Variants in CNTRL observed in about 807,000 individuals in gnomAD.
CNTRL encodes the protein 110 kDa centrosomal protein.
Under a neutral mutation model 303.7 loss-of-function variants are expected in CNTRL, and 233 were observed. The ratio of observed to expected loss-of-function variants is 0.77; its 90% confidence interval spans 0.69 to 0.86. The LOEUF is 0.86. Among genes scored for constraint, CNTRL ranks in the 40% least tolerant of loss-of-function variants. The pLI is 0.00. For missense variants in CNTRL, 2,524 were observed against 2,650.6 expected (o/e 0.95, Z 1.05); for synonymous variants, 900 against 922.2 (o/e 0.98, Z 0.44).
At chr9:121,135,332 T>C (rs2051125358) in intron 14 of CNTRL, among the ~76,000 whole-genome samples, 1 of 152,222 alleles carries the variant, frequency 6.6e-6, no homozygotes, top group Non-Finnish European at 1.5e-5. Context: ...GACTATCCTT[T>C]TTCTAGCTAC....
intron 14 of CNTRL, among the ~76,000 whole-genome samples, chr9:121,132,412 C>T (rs950979060): frequency 6.6e-6 from 1 of 152,166 alleles, no homozygotes; most frequent in Non-Finnish European, 1.5e-5. Flanking sequence ...CTTTCTTCCA[C>T]TTGATCAAAT....
intron 10 of CNTRL, among the ~76,000 whole-genome samples, chr9:121,114,151 C>G (rs1048501188): frequency 6.6e-6 from 1 of 152,252 alleles, no homozygotes; most frequent in Non-Finnish European, 1.5e-5. Flanking sequence ...AGGCTAGCCT[C>G]TGACTTTTCC....
At chr9:121,171,679 C>G (rs1358380071) in intron 40 of CNTRL, 131 bp downstream of exon 40, 1 of 945,620 alleles carries the variant, frequency 1.1e-6, no homozygotes, top group Non-Finnish European at 1.4e-6. Flanking sequence ...TTCTTTAAGT[C>G]AAATCTGGTT....
chr9:121,168,386 A>G (rs1294955088), intron 38 of CNTRL, 65 bp downstream of exon 38: 6 of 1,432,804 alleles, frequency 4.2e-6, no homozygotes, highest in Non-Finnish European at 4.9e-6. Flanking sequence ...TTGTCTTGCA[A>G]AAGTATTTAA....
Position 121,088,542 on chromosome 9 carries a change from A to AGT in CNTRL, c.217_217+1insTG (p.Gly73ValfsTer28), listed in dbSNP as rs779998729. 1 of 1,588,914 alleles carries AGT rather than the reference A, an allele frequency of 6.3e-7. No homozygotes were observed. The highest frequency in any genetic ancestry group is 8.6e-7 in the Non-Finnish European group (1 of 1,158,968). On this transcript the variant is annotated frameshift_variant and splice_region_variant, in exon 3 of 44. Coordinates refer to ENST00000373855, the MANE Select transcript of CNTRL (RefSeq NM_007018.6). LOFTEE classifies it high-confidence loss of function. Reference sequence around the variant, plus strand: ...TGCTTTTGGACTATCAAGACCATAAAGGTATCACTTTTTAATCTAAGAATT... The same window carrying AGT: ...TGCTTTTGGACTATCAAGACCATAAAGTGGTATCACTTTTTAATCTAAGAATT...
chr9:121,151,889 G>A (rs1322997773), intron 25 of CNTRL, among the ~76,000 whole-genome samples: 2 of 152,176 alleles, frequency 1.3e-5, no homozygotes, highest in Admixed American at 6.5e-5. Flanking sequence ...GCATTTACAA[G>A]TTTAACTGTA....
intron 39 of CNTRL, among the ~76,000 whole-genome samples, chr9:121,170,266 C>A (rs970843923): frequency 3.3e-5 from 5 of 152,160 alleles, no homozygotes; most frequent in Admixed American, 3.3e-4. Flanking sequence ...GCCTCAGCCT[C>A]CTGAGTAGCT....
intron 11 of CNTRL, among the ~76,000 whole-genome samples, chr9:121,117,234 A>G (rs2050017091): frequency 6.6e-6 from 1 of 152,180 alleles, no homozygotes; most frequent in Non-Finnish European, 1.5e-5. Flanking sequence ...ATTTAGTATG[A>G]GATGATTGTC....
At chr9:121,086,633 CT>C (rs60828602) in intron 2 of CNTRL, among the ~76,000 whole-genome samples, 246 of 119,208 alleles carry the variant, frequency 2.1e-3, no homozygotes, top group African/African-American at 6.1e-3. Flanking sequence ...GCTGGATTTA[CT>C]TTTTTTTTTT....
intron 16 of CNTRL, among the ~76,000 whole-genome samples, chr9:121,140,260 A>G (rs1180368081): frequency 6.6e-6 from 1 of 152,206 alleles, no homozygotes; most frequent in Non-Finnish European, 1.5e-5. Flanking sequence ...GCTTCAAATT[A>G]TGGAGAGAAT....
chr9:121,145,248 G>A lies in CNTRL; in HGVS notation c.3173G>A (p.Arg1058Gln), dbSNP rs150438722. 52 of 1,601,318 alleles carry A rather than the reference G, an allele frequency of 3.2e-5. No individual in the cohort carries two copies. The highest frequency in any genetic ancestry group is 4.2e-5 in the Non-Finnish European group (49 of 1,176,920). The part of the protein sequence containing the change: ...NLLRQKGEQF[R>Q]LEMEKTGVGT... The stretch of plus-strand genomic sequence containing the variant: ...ATGTGTAATTTTTTTAAATAGTTTC[G>A]ACTTGAGATGGAGAAAACAGGTGTA... The change falls in exon 22 of 44, where the codon CGA (arginine) becomes CAA (glutamine). Residue 1058 changes from arginine (R) to glutamine (Q), a missense_variant. Arg to Gln is a conservative substitution (Grantham distance 43). Transcript: ENST00000373855.
At chr9:121,136,474 C>T (rs1330595769) in intron 15 of CNTRL, among the ~76,000 whole-genome samples, 1 of 151,932 alleles carries the variant, frequency 6.6e-6, no homozygotes, top group Non-Finnish European at 1.5e-5. Flanking sequence ...CATGCCTGGC[C>T]AATTTTTTGT....
Position 121,177,277 on chromosome 9 carries a change from A to C in CNTRL, c.*91A>C. ...GGAATGTCACATGGTTTTTTTAATC[A>C]AGATGCAGTGAACTGAGATTCTGAA... On this transcript the variant is annotated 3_prime_UTR_variant, in exon 44 of 44. Coordinates refer to ENST00000373855, the MANE Select transcript of CNTRL (RefSeq NM_007018.6). 9.2e-7 allele frequency: 1 copy of C among 1,089,928 alleles called. No homozygotes were observed. The highest frequency in any genetic ancestry group is 1.3e-5 in the South Asian group (1 of 75,354). The allele number at this position is 1,089,928 out of a possible 1,614,324, so 67.5% of individuals were successfully genotyped here.
In CNTRL at chr9:121,157,894, C is replaced by A. The variant is rs372029151; in HGVS notation, c.4637+14C>A. The A allele has an allele frequency of 1.2e-5, 20 of 1,613,732 alleles. No individual in the cohort carries two copies. In the African/African-American group the frequency reaches 2.3e-4, roughly 18 times the overall value. On this transcript the variant is annotated intron_variant, in intron 29 of 43. Transcript: ENST00000373855. The stretch of plus-strand genomic sequence containing the variant: ...ACTGACAGAAGAGTAAGTAAGGCCT[C>A]TGTAGGGCTACAAGGGGTTTGTGCT...
chr9:121,157,679 T>C lies in CNTRL; in HGVS notation c.4497-61T>C, dbSNP rs2052642477. On this transcript the variant is annotated intron_variant, in intron 28 of 43. Coordinates refer to ENST00000373855, the MANE Select transcript of CNTRL (RefSeq NM_007018.6). Reference sequence around the variant, plus strand: ...GCTTCTAAGGGGATAATAATTGGTTTATGATAAATAATGCATGGTAAGTCT... The same window carrying C: ...GCTTCTAAGGGGATAATAATTGGTTCATGATAAATAATGCATGGTAAGTCT... 15 of 1,605,984 alleles carry C rather than the reference T, an allele frequency of 9.3e-6. 1 individual carries two copies. The South Asian group carries it at 1.7e-4, about 18-fold the overall frequency.
chr9:121,087,776 A>G (rs1039864140), intron 2 of CNTRL, among the ~76,000 whole-genome samples: 10 of 152,208 alleles, frequency 6.6e-5, no homozygotes, highest in African/African-American at 2.2e-4. Flanking sequence ...AAGATTAGAC[A>G]GAAACTAGAA....
At chr9:121,162,321 CATT>C (rs1269423485) in intron 34 of CNTRL, 50 bp downstream of exon 34, 1 of 1,466,078 alleles carries the variant, frequency 6.8e-7, no homozygotes, top group African/African-American at 1.4e-5. Context: ...CAGGCCAAAG[CATT>C]ATAAACACAC....
intron 24 of CNTRL, 31 bp from the exon 25 acceptor site, chr9:121,150,139 T>G: frequency 1.3e-6 from 2 of 1,543,606 alleles, no homozygotes; most frequent in Non-Finnish European, 1.8e-6. Flanking sequence ...ACTCTTTTGT[T>G]GAATAAACTC....
At position 121,141,598 on chromosome 9, in the gene CNTRL, G is replaced by C; in HGVS notation, c.2691+10G>C. On this transcript the variant is annotated intron_variant, in intron 18 of 43. Transcript: ENST00000373855. ...AGCCCTGGAAGCAAGAGTAAGACAA[G>C]GGCAAGAGGCACCTGGAGGGAAGTG... The C allele has an allele frequency of 2.5e-6, 4 of 1,612,546 alleles. No individual in the cohort carries two copies. Among genetic ancestry groups the C allele is most frequent in the Non-Finnish European group, 3.4e-6 (4 of 1,178,980 alleles).
Sources: gnomAD v4.1 joint callset for allele counts (sites outside exome capture counted in the v4.1 genomes callset) on GRCh38, gnomAD v4.1.1 for gene constraint, MANE v1.5 for transcripts, NCBI Gene and HGNC (gene_info 2026-07-23, HGNC 2026-07-21) for gene names.